KATNAL2: variants seen among roughly 807,000 people sequenced by gnomAD.
KATNAL2 encodes katanin catalytic subunit A1 like 2.
KATNAL2 carries 52 observed loss-of-function variants against 76.3 expected under a neutral mutation model. The observed-to-expected ratio is 0.68, with a 90% CI of 0.55 to 0.86. The LOEUF (loss-of-function observed/expected upper bound fraction) is 0.86, where lower values mean the gene tolerates loss of function less well. KATNAL2 is among the 40% of genes least tolerant of loss of function. The pLI is 0.00. For synonymous variants in KATNAL2, 243 were observed against 244.2 expected, an observed-to-expected ratio of 1.00 and a Z score of 0.05; for missense variants, 660 against 668.9, an observed-to-expected ratio of 0.99 and a Z score of 0.15.
chr18:47,034,876 C>T (rs955368469), intron 3 of KATNAL2: 2 of 1,612,076 alleles, frequency 1.2e-6, no homozygotes, highest in Non-Finnish European at 8.5e-7. Context: ...GCGTGCTGTC[C>T]GTCTGTGCTC....
At chr18:47,072,404 A>C (rs2062039090) in intron 13 of KATNAL2, among the ~76,000 whole-genome samples, 1 of 152,106 alleles carries the variant, frequency 6.6e-6, no homozygotes, top group African/African-American at 2.4e-5. Flanking sequence ...TCTATTATCT[A>C]CGTTAGCATC....
At chr18:46,921,769 A>G (rs2058560259) in intron 1 of KATNAL2, among the ~76,000 whole-genome samples, 1 of 152,036 alleles carries the variant, frequency 6.6e-6, no homozygotes, top group East Asian at 1.9e-4. Flanking sequence ...AGCAAAGAGC[A>G]TTCCAACCTG....
chr18:47,068,398 A>C (rs72903245), intron 11 of KATNAL2, among the ~76,000 whole-genome samples: 1 of 152,210 alleles, frequency 6.6e-6, no homozygotes, highest in East Asian at 1.9e-4. Flanking sequence ...TTCACACTTA[A>C]GGGTAAGAAA....
intron 1 of KATNAL2, among the ~76,000 whole-genome samples, chr18:46,945,462 A>G (rs2059360380): frequency 6.6e-6 from 1 of 152,222 alleles, no homozygotes; most frequent in African/African-American, 2.4e-5. Flanking sequence ...TAAACTACTC[A>G]TTAGTCATTC....
chr18:47,059,124 G>A (rs371799542), intron 7 of KATNAL2, among the ~76,000 whole-genome samples: 11 of 152,214 alleles, frequency 7.2e-5, no homozygotes, highest in African/African-American at 2.2e-4. Context: ...GGTTCTGGCC[G>A]CTGCAGCCTG....
rs992143026 is a variant in KATNAL2 at position 46,946,844 on chromosome 18, C to T, written c.-19-10C>T. 3.3e-6 allele frequency: 5 copies of T among 1,534,262 alleles called. No individual in the cohort carries two copies. The Admixed American group carries it at 7.8e-5, about 24-fold the overall frequency. On this transcript the variant is annotated splice_polypyrimidine_tract_variant and intron_variant, in intron 2 of 17. Coordinates refer to ENST00000683218, the MANE Select transcript of KATNAL2 (RefSeq NM_001387690.1). ...AGCCCAGTAACTGACTACTTTTCTC[C>T]CTTCTCTAGGGTCCTAGCACAGTGT...
chr18:46,926,530 G>A (rs1335838782), intron 1 of KATNAL2, among the ~76,000 whole-genome samples: 3 of 152,188 alleles, frequency 2.0e-5, no homozygotes, highest in African/African-American at 4.8e-5. Flanking sequence ...TGGAGTAGGT[G>A]TGGTGTGGTG....
chr18:46,952,254 T>G (rs930898102), intron 3 of KATNAL2, among the ~76,000 whole-genome samples: 1 of 152,048 alleles, frequency 6.6e-6, no homozygotes, highest in Non-Finnish European at 1.5e-5. Flanking sequence ...TTTTATTTTT[T>G]GTAGAGACAG....
At chr18:46,926,364 G>A (rs1465580837) in intron 1 of KATNAL2, among the ~76,000 whole-genome samples, 2 of 152,090 alleles carry the variant, frequency 1.3e-5, no homozygotes, top group Admixed American at 6.6e-5. Flanking sequence ...TTCAGGAGCA[G>A]GTTGTTCAGT....
intron 3 of KATNAL2, among the ~76,000 whole-genome samples, chr18:46,947,672 T>A (rs2059422268): frequency 6.6e-6 from 1 of 152,068 alleles, no homozygotes; most frequent in African/African-American, 2.4e-5. Flanking sequence ...TTGGGATGAG[T>A]TCTATGCATC....
chr18:46,918,987 G>A (rs1462002659), intron 1 of KATNAL2, among the ~76,000 whole-genome samples: 1 of 142,028 alleles, frequency 7.0e-6, no homozygotes, highest in African/African-American at 2.7e-5. Flanking sequence ...ATATATATGT[G>A]TGTGCGTGTA....
intron 13 of KATNAL2, among the ~76,000 whole-genome samples, chr18:47,070,263 AT>A (rs1371469582): frequency 6.6e-6 from 1 of 151,052 alleles, no homozygotes; most frequent in African/African-American, 2.4e-5. Context: ...CGCCCAGCTA[AT>A]TTTTTTTGTA....
chr18:47,034,021 T>A, intron 3 of KATNAL2: 1 of 1,614,142 alleles, frequency 6.2e-7, no homozygotes, highest in South Asian at 1.1e-5. Flanking sequence ...CTTGGATTCG[T>A]TTGCTTTCCT....
At chr18:47,066,498 A>C (rs909039258) in intron 10 of KATNAL2, among the ~76,000 whole-genome samples, 1 of 152,196 alleles carries the variant, frequency 6.6e-6, no homozygotes, top group African/African-American at 2.4e-5. Context: ...TCGCTAGCGA[A>C]AAAAGAGAAA....
intron 3 of KATNAL2, among the ~76,000 whole-genome samples, chr18:46,960,080 G>A (rs906816071): frequency 3.3e-5 from 5 of 152,142 alleles, no homozygotes; most frequent in African/African-American, 4.8e-5. Flanking sequence ...TTTGGACAAC[G>A]TAATTATGAG....
At chr18:47,087,966 C>T (rs767781341) in intron 15 of KATNAL2, among the ~76,000 whole-genome samples, 1 of 152,070 alleles carries the variant, frequency 6.6e-6, no homozygotes, top group Admixed American at 6.6e-5. Context: ...TTTTCTTGAG[C>T]GTTTTTAATC....
At chr18:46,950,786 G>A (rs2059529158) in intron 3 of KATNAL2, among the ~76,000 whole-genome samples, 1 of 152,090 alleles carries the variant, frequency 6.6e-6, no homozygotes, top group Non-Finnish European at 1.5e-5. Context: ...CTGGGTTCAA[G>A]CGACTCTCCT....
intron 1 of KATNAL2, among the ~76,000 whole-genome samples, chr18:46,919,346 C>T (rs1358420451): frequency 2.6e-5 from 4 of 151,992 alleles, no homozygotes; most frequent in Admixed American, 6.6e-5. Flanking sequence ...ATTAGCCAGG[C>T]GTGGTGGCGC....
chr18:47,067,292 T>C (rs940117168), intron 11 of KATNAL2, among the ~76,000 whole-genome samples, 173 bp downstream of exon 11: 1 of 152,190 alleles, frequency 6.6e-6, no homozygotes, highest in African/African-American at 2.4e-5. Context: ...TGGTCCATTC[T>C]AGATCATTTA....
Sources: allele counts gnomAD v4.1 joint callset (sites outside exome capture counted in the v4.1 genomes callset), GRCh38; gene constraint gnomAD v4.1.1; transcripts MANE v1.5; gene names NCBI Gene and HGNC (gene_info 2026-07-23, HGNC 2026-07-21).